The following CDKAL1 variants were observed in gnomAD, a reference collection of about 807,000 sequenced individuals.
CDKAL1 encodes the protein CDKAL1 threonylcarbamoyladenosine tRNA methylthiotransferase.
In CDKAL1, 32 loss-of-function variants were observed where a neutral mutation model predicts 68.2. That is an observed-to-expected ratio of 0.47 (90% confidence interval 0.35 to 0.63). CDKAL1 has a LOEUF of 0.63. Among genes scored for constraint, CDKAL1 ranks in the 30% least tolerant of loss-of-function variants. The pLI is 0.00. For missense variants in CDKAL1, 606 were observed against 696.7 expected (o/e 0.87, Z 1.47); for synonymous variants, 234 against 244.3 (o/e 0.96, Z 0.39).
chr6:20,734,707 G>A (rs1018893765), intron 5 of CDKAL1, among the ~76,000 whole-genome samples: 48 of 152,044 alleles, frequency 3.2e-4, no homozygotes, highest in African/African-American at 1.2e-3. Flanking sequence ...GAATTTTAAA[G>A]CCAAATTTAA....
At chr6:20,645,779 ATTTATTTAT>A in intron 4 of CDKAL1, among the ~76,000 whole-genome samples, 1 of 148,646 alleles carries the variant, frequency 6.7e-6, no homozygotes, top group Non-Finnish European at 1.5e-5. Flanking sequence ...ATTTTATTTT[ATTTATTTAT>A]TTTATTTTTA....
At chr6:20,887,011 A>T (rs1581765531) in intron 9 of CDKAL1, among the ~76,000 whole-genome samples, 1 of 152,252 alleles carries the variant, frequency 6.6e-6, no homozygotes, top group African/African-American at 2.4e-5. Context: ...TTTAAACTGG[A>T]CAAAAGATTT....
At chr6:21,176,695 T>G (rs1293516903) in intron 13 of CDKAL1, among the ~76,000 whole-genome samples, 1 of 110,184 alleles carries the variant, frequency 9.1e-6, no homozygotes, top group Non-Finnish European at 2.1e-5. Context: ...TTTTTTTTTT[T>G]GTTTTTTTTT....
chr6:20,562,990 C>G (rs1764325197), intron 4 of CDKAL1, among the ~76,000 whole-genome samples: 1 of 152,168 alleles, frequency 6.6e-6, no homozygotes, highest in Non-Finnish European at 1.5e-5. Flanking sequence ...GACTCTTTCT[C>G]TGCTTTCACT....
intron 9 of CDKAL1, among the ~76,000 whole-genome samples, chr6:20,880,679 A>C (rs921501844): frequency 1.3e-5 from 2 of 152,134 alleles, no homozygotes; most frequent in Non-Finnish European, 2.9e-5. Flanking sequence ...TATACTGTAT[A>C]CATAAAGCCT....
chr6:20,871,552 C>G (rs1028021817), intron 9 of CDKAL1, among the ~76,000 whole-genome samples: 1 of 152,060 alleles, frequency 6.6e-6, no homozygotes. Flanking sequence ...AAATAGCTTT[C>G]TTAATGAAGA....
rs5874802 is a variant in CDKAL1, at chr6:21,106,940, C to CTTTTT, written c.1237-1446_1237-1442dup. Among the ~76,000 whole-genome samples, 4 of 117,258 alleles carry CTTTTT rather than the reference C, an allele frequency of 3.4e-5. 1 individual carries two copies. Among genetic ancestry groups the CTTTTT allele is most frequent in the Non-Finnish European group, 5.0e-5 (3 of 59,630 alleles). 76.9% of individuals were successfully genotyped at this position (117,258 alleles called of 152,430 possible). The stretch of plus-strand genomic sequence containing the variant: ...ATCACAGTGGATGAGGAGAAAGCCA[C>CTTTTT]TTTTTTTTTTTTTTTTTTTGAGATG... On this transcript the variant is annotated intron_variant, in intron 12 of 15. Coordinates refer to ENST00000274695, the MANE Select transcript of CDKAL1 (RefSeq NM_017774.3).
chr6:20,962,755 T>G (rs1281386505), intron 10 of CDKAL1, among the ~76,000 whole-genome samples: 1 of 152,220 alleles, frequency 6.6e-6, no homozygotes, highest in African/African-American at 2.4e-5. Flanking sequence ...TTTTTCCCCT[T>G]TTGATGAATA....
chr6:21,107,958 T>C (rs1773931268), intron 12 of CDKAL1, among the ~76,000 whole-genome samples: 1 of 152,214 alleles, frequency 6.6e-6, no homozygotes, highest in East Asian at 1.9e-4. Flanking sequence ...AGACCCAAGC[T>C]GTAACCAGGA....
intron 4 of CDKAL1, among the ~76,000 whole-genome samples, chr6:20,601,847 C>T (rs1253874937): frequency 1.3e-5 from 2 of 152,132 alleles, no homozygotes; most frequent in East Asian, 3.8e-4. Context: ...TTTATTCAAC[C>T]TAATGCCTTC....
intron 11 of CDKAL1, among the ~76,000 whole-genome samples, chr6:21,017,460 G>A (rs1231528038): frequency 6.6e-6 from 1 of 152,168 alleles, no homozygotes; most frequent in East Asian, 1.9e-4. Context: ...CCTCTTCTAA[G>A]TCTTTACAAC....
chr6:20,608,047 G>A (rs4712518), intron 4 of CDKAL1, among the ~76,000 whole-genome samples: 121,521 of 152,128 alleles, frequency 0.8, 48,783 homozygotes, highest in Middle Eastern at 0.91. Context: ...ACATCTGAGT[G>A]TGTTCTGCTG....
chr6:20,942,547 A>G (rs1229523460), intron 9 of CDKAL1, among the ~76,000 whole-genome samples: 1 of 150,304 alleles, frequency 6.7e-6, no homozygotes, highest in Non-Finnish European at 1.5e-5. Context: ...TTGTATTTTT[A>G]GTAGAGATGG....
intron 4 of CDKAL1, among the ~76,000 whole-genome samples, chr6:20,604,255 G>A (rs1766236268): frequency 6.6e-6 from 1 of 152,086 alleles, no homozygotes; most frequent in African/African-American, 2.4e-5. Flanking sequence ...GCTCTTCATG[G>A]GTTCAACAAT....
At chr6:21,072,155 T>C (rs976640409) in intron 12 of CDKAL1, among the ~76,000 whole-genome samples, 1 of 152,204 alleles carries the variant, frequency 6.6e-6, no homozygotes, top group Non-Finnish European at 1.5e-5. Context: ...AATTTTTGTA[T>C]CTCACGCTCA....
intron 8 of CDKAL1, among the ~76,000 whole-genome samples, chr6:20,842,973 A>G (rs929772529): frequency 6.6e-6 from 1 of 152,226 alleles, no homozygotes; most frequent in African/African-American, 2.4e-5. Context: ...ATGTTTCAGA[A>G]TATCACTTTG....
intron 4 of CDKAL1, among the ~76,000 whole-genome samples, chr6:20,613,239 A>AAATT (rs1167250729): frequency 1.1e-4 from 14 of 125,594 alleles, no homozygotes; most frequent in African/African-American, 3.9e-4. Context: ...GTTCATCACA[A>AAATT]AATTTCTTTC....
chr6:20,751,295 C>T (rs140536080), intron 6 of CDKAL1, among the ~76,000 whole-genome samples: 3 of 152,158 alleles, frequency 2.0e-5, no homozygotes, highest in African/African-American at 7.2e-5. Flanking sequence ...TGTTCATTTC[C>T]TAAGGCTGCC....
intron 11 of CDKAL1, among the ~76,000 whole-genome samples, chr6:21,052,657 G>A (rs1770608870): frequency 6.6e-6 from 1 of 150,766 alleles, no homozygotes; most frequent in Non-Finnish European, 1.5e-5. Context: ...ACAGGCATGA[G>A]CTACCACACC....
Sources: allele counts gnomAD v4.1 joint callset (sites outside exome capture counted in the v4.1 genomes callset), GRCh38; gene constraint gnomAD v4.1.1; transcripts MANE v1.5; gene names NCBI Gene and HGNC (gene_info 2026-07-23, HGNC 2026-07-21).